The following RTCB variants were observed in gnomAD, a reference collection of about 807,000 sequenced individuals.
The protein encoded by RTCB is RNA-splicing ligase RTCB.
RTCB carries 32 observed loss-of-function variants against 58.2 expected under a neutral mutation model. That is an observed-to-expected ratio of 0.55 (90% CI 0.41 to 0.74). The LOEUF (loss-of-function observed/expected upper bound fraction) is 0.74, where lower values mean the gene tolerates loss of function less well. RTCB is among the 30% of genes least tolerant of loss of function. RTCB has a pLI of 0.00. For synonymous variants in RTCB, 247 were observed against 218.6 expected (o/e 1.13, Z -1.15); for missense variants, 523 against 639.0 (o/e 0.82, Z 1.96).
At chr22:32,403,660 G>A (rs1933374657) in intron 4 of RTCB, among the ~76,000 whole-genome samples, 1 of 152,118 alleles carries the variant, frequency 6.6e-6, no homozygotes, top group South Asian at 2.1e-4. Flanking sequence ...CCAAGTCCTG[G>A]GCTCAAGCTA....
chr22:32,394,437 G>A (rs552496697), intron 9 of RTCB, among the ~76,000 whole-genome samples: 3 of 152,220 alleles, frequency 2.0e-5, no homozygotes, highest in Non-Finnish European at 2.9e-5. Flanking sequence ...CTAAACGCGC[G>A]GCTAGTAAAC....
chr22:32,394,111 C>CTTT, intron 9 of RTCB, 109 bp from the exon 10 acceptor site: 2 of 640,436 alleles, frequency 3.1e-6, no homozygotes, highest in Non-Finnish European at 2.6e-6. Context: ...GAAACCCAGA[C>CTTT]TTCTTTTTTT....
At chr22:32,389,424 T>C (rs75468855) in intron 11 of RTCB, among the ~76,000 whole-genome samples, 5,782 of 152,224 alleles carry the variant, frequency 0.038, 360 homozygotes, top group African/African-American at 0.13. Flanking sequence ...CAAGGTTGAG[T>C]CCAGTGGCAC....
chr22:32,407,860 C>T (rs559469522), intron 3 of RTCB: 2 of 303,328 alleles, frequency 6.6e-6, no homozygotes, highest in Non-Finnish European at 1.3e-5. Context: ...ACTCTGGGCT[C>T]AAGCAATCCT....
At chr22:32,403,877 ACTCT>A (rs1314617873) in intron 4 of RTCB, among the ~76,000 whole-genome samples, 3 of 151,944 alleles carry the variant, frequency 2.0e-5, no homozygotes, top group Non-Finnish European at 2.9e-5. Flanking sequence ...GCACCATTCT[ACTCT>A]CTCTGTGAGT....
rs1405994011 is a variant in RTCB, at chr22:32,394,016, T to C, written c.1180-14A>G. 1.3e-6 allele frequency: 2 copies of C among 1,543,678 alleles called. No homozygotes were observed. The highest frequency in any genetic ancestry group is 1.8e-6 in the Non-Finnish European group (2 of 1,115,896). On this transcript the variant is annotated splice_polypyrimidine_tract_variant and intron_variant, in intron 9 of 11. Coordinates refer to ENST00000216038, the MANE Select transcript of RTCB (RefSeq NM_014306.5). ...CTGTCCAGTGAGCTGAGGATGCACA[T>C]AAATCAAACATGTTAAAATTCAGAA... is the stretch of plus-strand genomic sequence containing the variant.
intron 7 of RTCB, among the ~76,000 whole-genome samples, chr22:32,396,554 T>C (rs1201901629): frequency 6.6e-6 from 1 of 152,230 alleles, no homozygotes; most frequent in African/African-American, 2.4e-5. Flanking sequence ...TTTCTCAATA[T>C]GTGAATGCAT....
chr22:32,394,564 C>G (rs1933212328), intron 9 of RTCB, among the ~76,000 whole-genome samples: 1 of 152,100 alleles, frequency 6.6e-6, no homozygotes, highest in Non-Finnish European at 1.5e-5. Context: ...AAAGCAAAAT[C>G]CAAAAGTGTA....
chr22:32,405,208 G>A (rs575772358), intron 4 of RTCB, among the ~76,000 whole-genome samples: 48 of 152,248 alleles, frequency 3.2e-4, no homozygotes, highest in African/African-American at 1.1e-3. Flanking sequence ...TAATGGATGA[G>A]ACATGTACTT....
intron 11 of RTCB, among the ~76,000 whole-genome samples, chr22:32,391,535 A>T (rs1053946047): frequency 6.6e-6 from 1 of 151,346 alleles, no homozygotes; most frequent in Non-Finnish European, 1.5e-5. Flanking sequence ...AGCTGCGATT[A>T]TGGGTGTCCA....
chr22:32,392,617 A>G (rs1933174444), intron 10 of RTCB: 1 of 573,440 alleles, frequency 1.7e-6, no homozygotes, highest in East Asian at 3.4e-5. Context: ...GACCCACTAA[A>G]TGCCAATAGC....
intron 6 of RTCB, among the ~76,000 whole-genome samples, chr22:32,399,100 T>C (rs1933291971): frequency 6.6e-6 from 1 of 152,278 alleles, no homozygotes; most frequent in East Asian, 1.9e-4. Flanking sequence ...ATAAACATAT[T>C]CTATTTTTCT....
intron 5 of RTCB, among the ~76,000 whole-genome samples, chr22:32,400,741 C>G (rs1264729562): frequency 6.6e-6 from 1 of 152,034 alleles, no homozygotes; most frequent in African/African-American, 2.4e-5. Flanking sequence ...CAAGTAACAG[C>G]TAAAAACATT....
At chr22:32,395,837 T>C (rs1001263626) in intron 8 of RTCB, among the ~76,000 whole-genome samples, 2 of 151,956 alleles carry the variant, frequency 1.3e-5, no homozygotes, top group Non-Finnish European at 2.9e-5. Context: ...TGGGACTACA[T>C]GCACCCGCCA....
At position 32,393,837 on chromosome 22, in the gene RTCB, A is replaced by G. The variant is rs1933196090; in HGVS notation, c.1290+55T>C. The G allele has an allele frequency of 4.8e-6, 6 of 1,260,888 alleles. No individual in the cohort carries two copies. The Admixed American group carries it at 1.0e-4, about 21-fold the overall frequency. The allele number at this position is 1,260,888 out of a possible 1,614,324, so 78.1% of individuals were successfully genotyped here. The stretch of plus-strand genomic sequence containing the variant: ...CAGCTACATTTACCAGTCAAAATGG[A>G]AAACCATAGCTAAACTGAAGAGAGC... On this transcript the variant is annotated intron_variant, in intron 10 of 11. Transcript: ENST00000216038.
intron 1 of RTCB, among the ~76,000 whole-genome samples, chr22:32,410,851 G>A (rs776957723): frequency 2.0e-5 from 3 of 151,794 alleles, no homozygotes; most frequent in African/African-American, 4.8e-5. Flanking sequence ...GAGTAGCTGT[G>A]GTGCACACCA....
chr22:32,405,766 A>G (rs900889215), intron 4 of RTCB, among the ~76,000 whole-genome samples: 3 of 152,226 alleles, frequency 2.0e-5, no homozygotes. Context: ...GAAACAACCT[A>G]GTCCACCACT....
chr22:32,399,909 G>T, intron 5 of RTCB, 150 bp from the exon 6 acceptor site: 1 of 618,706 alleles, frequency 1.6e-6, no homozygotes. Context: ...TAAGCTCTCA[G>T]TAACTGGTTT....
In RTCB at chr22:32,399,563, G is replaced by GA. The variant is rs201048593; in HGVS notation, c.654+39dup. The GA allele has an allele frequency of 4.0e-4, 603 of 1,525,844 alleles. 1 individual carries two copies. Among genetic ancestry groups the GA allele is most frequent in the African/African-American group, 3.8e-3 (274 of 71,758 alleles). The allele number at this position is 1,525,844 out of a possible 1,614,324, so 94.5% of individuals were successfully genotyped here. A position where few individuals can be genotyped will look rare whatever the true frequency, so the allele number is the denominator to read the frequency against. On this transcript the variant is annotated intron_variant, in intron 6 of 11. Transcript: ENST00000216038. ...TTTTCCCCCAATAAAAACAAAATAT[G>GA]AAAAAAAAATTAACATGTTGCCCCT... is the stretch of plus-strand genomic sequence containing the variant.
Sources: allele counts gnomAD v4.1 joint callset (sites outside exome capture counted in the v4.1 genomes callset), GRCh38; gene constraint gnomAD v4.1.1; transcripts MANE v1.5; gene names NCBI Gene and HGNC (gene_info 2026-07-23, HGNC 2026-07-21).